ETNPPL: variants seen among roughly 807,000 people sequenced by gnomAD.
ETNPPL encodes the protein alanine--glyoxylate aminotransferase 2-like 1.
Under a neutral mutation model 55.5 loss-of-function variants are expected in ETNPPL, and 30 were observed. That is an observed-to-expected ratio of 0.54 (90% CI 0.40 to 0.73). The LOEUF (loss-of-function observed/expected upper bound fraction) is 0.73, where lower values mean the gene tolerates loss of function less well. ETNPPL is among the 30% of genes least tolerant of loss of function. The pLI is 0.00. For missense variants in ETNPPL, 528 were observed against 607.9 expected, an observed-to-expected ratio of 0.87 and a Z score of 1.38; for synonymous variants, 202 against 207.2, an observed-to-expected ratio of 0.98 and a Z score of 0.21.
Position 108,747,752 on chromosome 4 carries a change from G to A in ETNPPL, c.1082+253C>T, listed in dbSNP as rs1453412022. 14 of 307,810 alleles carry A rather than the reference G, an allele frequency of 4.5e-5. No homozygotes were observed. The East Asian group carries it at 4.6e-4, about 10-fold the overall frequency. 19.1% of individuals were successfully genotyped at this position (307,810 alleles called of 1,614,324 possible). A position where few individuals can be genotyped will look rare whatever the true frequency, so the allele number is the denominator to read the frequency against. On this transcript the variant is annotated intron_variant, in intron 9 of 12. Coordinates refer to ENST00000296486, the MANE Select transcript of ETNPPL (RefSeq NM_031279.4). ...AACTATTATTATTATTGTTAGAGAC[G>A]GGATTTCACCCTATCACCCAGGCTG...
intron 3 of ETNPPL, among the ~76,000 whole-genome samples, chr4:108,757,805 T>C (rs1432148063): frequency 6.6e-6 from 1 of 151,392 alleles, no homozygotes; most frequent in South Asian, 2.1e-4. Flanking sequence ...CCAGGCATAG[T>C]GGGTTATGTA....
rs1216876291 is a variant in ETNPPL, at chr4:108,746,540, T to C, written c.1173-11A>G. 6.2e-7 allele frequency: 1 copy of C among 1,611,544 alleles called. No homozygotes were observed. Among genetic ancestry groups the C allele is most frequent in the Admixed American group, 1.7e-5 (1 of 59,886 alleles). On this transcript the variant is annotated splice_polypyrimidine_tract_variant and intron_variant, in intron 10 of 12. Transcript: ENST00000296486. ...CGTTTTTCTTTCATCCTAATTTGTG[T>C]AGGAAATACATGTGAGTGTATGCAA...
At chr4:108,751,667 G>T (rs140832053) in intron 6 of ETNPPL, among the ~76,000 whole-genome samples, 56 of 152,354 alleles carry the variant, frequency 3.7e-4, no homozygotes, top group African/African-American at 1.3e-3. Context: ...CCAAGTTCTA[G>T]TTCAGACTAC....
At chr4:108,747,434 A>G (rs1305745428) in intron 9 of ETNPPL, among the ~76,000 whole-genome samples, 1 of 147,250 alleles carries the variant, frequency 6.8e-6, no homozygotes, top group Non-Finnish European at 1.5e-5. Flanking sequence ...GGAAAGACAT[A>G]TACCCAAATG....
At position 108,754,604 on chromosome 4, in the gene ETNPPL, A is replaced by AC. The variant is rs749309787; in HGVS notation, c.501+15_501+16insG. 2 of 1,296,526 alleles carry AC rather than the reference A, an allele frequency of 1.5e-6. No individual in the cohort carries two copies. Among genetic ancestry groups the AC allele is most frequent in the Middle Eastern group, 2.0e-4 (1 of 5,050 alleles). 80.3% of individuals were successfully genotyped at this position (1,296,526 alleles called of 1,614,324 possible). The stretch of plus-strand genomic sequence containing the variant: ...TCCAATACAAACATTCTGATTTAGG[A>AC]TTTTAAGACACTTACCACATGTACA... On this transcript the variant is annotated intron_variant, in intron 5 of 12. Transcript: ENST00000296486.
intron 8 of ETNPPL, among the ~76,000 whole-genome samples, 167 bp from the exon 9 acceptor site, chr4:108,748,326 T>C (rs549838159): frequency 1.3e-5 from 2 of 152,344 alleles, no homozygotes; most frequent in Admixed American, 1.3e-4. Flanking sequence ...TGATTCTATA[T>C]ATTCAGGACT....
chr4:108,762,857 C>T lies in ETNPPL; in HGVS notation c.42G>A (p.Arg14=), dbSNP rs764948290. The T allele has an allele frequency of 6.2e-7, 1 of 1,614,014 alleles. No homozygotes were observed. The highest frequency in any genetic ancestry group is 8.5e-7 in the Non-Finnish European group (1 of 1,179,954). The part of the protein sequence containing the change: ...LYSKRDTLGL[R]KKHIGPSCKV... ...GGTGCCCTTACCCGATGTGCTTCTTCCTCAGCCCCAGAGTGTCCCGCTTAC... is the reference window on the plus strand; with the variant it reads ...GGTGCCCTTACCCGATGTGCTTCTTTCTCAGCCCCAGAGTGTCCCGCTTAC... Residue 14 remains arginine (R), a synonymous_variant, in exon 1 of 13, where the codon AGG becomes AGA. Coordinates refer to ENST00000296486, the MANE Select transcript of ETNPPL (RefSeq NM_031279.4).
Position 108,759,924 on chromosome 4 carries a change from C to A in ETNPPL, c.176-16G>T, listed in dbSNP as rs761002281. ...CAGTGTCCCACTAAAATTTATGAAACAAAAGCCCAAGAAATAAGTTAGAAT... is the reference window on the plus strand; with the variant it reads ...CAGTGTCCCACTAAAATTTATGAAAAAAAAGCCCAAGAAATAAGTTAGAAT... On this transcript the variant is annotated splice_polypyrimidine_tract_variant and intron_variant, in intron 2 of 12. Coordinates refer to ENST00000296486, the MANE Select transcript of ETNPPL (RefSeq NM_031279.4). The A allele has an allele frequency of 4.3e-6, 7 of 1,610,474 alleles. No individual in the cohort carries two copies. Among genetic ancestry groups the A allele is most frequent in the Non-Finnish European group, 5.9e-6 (7 of 1,178,048 alleles).
At chr4:108,751,754 G>A (rs1376085079) in intron 6 of ETNPPL, among the ~76,000 whole-genome samples, 2 of 152,200 alleles carry the variant, frequency 1.3e-5, no homozygotes, top group Non-Finnish European at 2.9e-5. Context: ...AAATGAGGCT[G>A]TTGGACTCAA....
At chr4:108,744,364 C>T (rs1276170817) in intron 11 of ETNPPL, among the ~76,000 whole-genome samples, 1 of 152,164 alleles carries the variant, frequency 6.6e-6, no homozygotes, top group African/African-American at 2.4e-5. Context: ...TTACCTACTC[C>T]TCATTCACTT....
At chr4:108,753,776 G>T (rs140239629) in intron 5 of ETNPPL, among the ~76,000 whole-genome samples, 11,432 of 121,440 alleles carry the variant, frequency 0.094, 1,037 homozygotes, top group East Asian at 0.48. Context: ...AAGAAAGAAA[G>T]AAAGAAAGAA....
At chr4:108,745,930 C>CAAAAAAA (rs5860940) in intron 11 of ETNPPL, among the ~76,000 whole-genome samples, 2 of 70,860 alleles carry the variant, frequency 2.8e-5, no homozygotes, top group African/African-American at 7.9e-5. Context: ...GACTCCATCT[C>CAAAAAAA]AAAAAAAAAA....
In ETNPPL at chr4:108,754,739, A is replaced by C. The variant is rs780520580; in HGVS notation, c.411-29T>G. Reference sequence around the variant, plus strand: ...AAGAGACAAAGAAAAAAAAGCAGTAATCAAAATAATTCCAAGAGAGATATT... The same window carrying C: ...AAGAGACAAAGAAAAAAAAGCAGTACTCAAAATAATTCCAAGAGAGATATT... On this transcript the variant is annotated intron_variant, in intron 4 of 12. Coordinates refer to ENST00000296486, the MANE Select transcript of ETNPPL (RefSeq NM_031279.4). 2.5e-6 allele frequency: 3 copies of C among 1,223,194 alleles called. No individual in the cohort carries two copies. The South Asian group carries it at 3.8e-5, about 15-fold the overall frequency. The allele number at this position is 1,223,194 out of a possible 1,614,324, so 75.8% of individuals were successfully genotyped here.
intron 5 of ETNPPL, 29 bp from the exon 6 acceptor site, chr4:108,753,040 G>T (rs752668082): frequency 9.9e-6 from 13 of 1,313,864 alleles, no homozygotes; most frequent in South Asian, 6.4e-5. Flanking sequence ...GCAGTTGCTT[G>T]TAATTTGCCT....
At chr4:108,759,036 C>T (rs955301505) in intron 3 of ETNPPL, among the ~76,000 whole-genome samples, 11 of 151,670 alleles carry the variant, frequency 7.3e-5, no homozygotes, top group Non-Finnish European at 1.5e-4. Flanking sequence ...GGAACAAGAG[C>T]GAAACTCCAT....
At chr4:108,744,715 A>ATTT (rs530380404) in intron 11 of ETNPPL, among the ~76,000 whole-genome samples, 6 of 121,184 alleles carry the variant, frequency 5.0e-5, no homozygotes, top group African/African-American at 6.9e-5. Flanking sequence ...AGAAGTTGAA[A>ATTT]TTTTTTTTTT....
chr4:108,747,256 A>T (rs535240419), intron 9 of ETNPPL, among the ~76,000 whole-genome samples: 4 of 78,454 alleles, frequency 5.1e-5, no homozygotes, highest in African/African-American at 1.5e-4. Flanking sequence ...TATATATATT[A>T]TATATATATA....
intron 11 of ETNPPL, 71 bp from the exon 12 acceptor site, chr4:108,743,927 CT>C: frequency 1.1e-6 from 1 of 931,132 alleles, no homozygotes; most frequent in Non-Finnish European, 1.7e-6. Context: ...TTTTTGGTAT[CT>C]TAGCAATACC....
chr4:108,744,225 C>T (rs1352644295), intron 11 of ETNPPL, among the ~76,000 whole-genome samples: 1 of 151,768 alleles, frequency 6.6e-6, no homozygotes, highest in East Asian at 1.9e-4. Context: ...CACGCCACTG[C>T]ACTCCAGCCT....
Sources: allele counts gnomAD v4.1 joint callset (sites outside exome capture counted in the v4.1 genomes callset), GRCh38; gene constraint gnomAD v4.1.1; transcripts MANE v1.5; gene names NCBI Gene and HGNC (gene_info 2026-07-23, HGNC 2026-07-21).